ANK2: variants seen among roughly 807,000 people sequenced by gnomAD.
The protein encoded by ANK2 is ankyrin 2.
ANK2 carries 83 observed loss-of-function variants against 360.5 expected under a neutral mutation model. The observed-to-expected ratio is 0.23, with a 90% CI of 0.19 to 0.28. The LOEUF (loss-of-function observed/expected upper bound fraction) is 0.28, where lower values mean the gene tolerates loss of function less well. Ranked by LOEUF, ANK2 falls within the 10% of genes least tolerant of loss-of-function variation. The pLI is 1.00. For missense variants in ANK2, 4,201 were observed against 4,795.7 expected (o/e 0.88, Z 3.66); for synonymous variants, 1,740 against 1,759.5 (o/e 0.99, Z 0.28).
intron 1 of ANK2, among the ~76,000 whole-genome samples, chr4:112,852,195 A>T (rs1315515463): frequency 6.6e-6 from 1 of 152,214 alleles, no homozygotes; most frequent in Non-Finnish European, 1.5e-5. Context: ...AGAAAAGATG[A>T]TGGTTTTGGA....
At chr4:113,316,433 A>G (rs2083017109) in intron 24 of ANK2, among the ~76,000 whole-genome samples, 1 of 152,228 alleles carries the variant, frequency 6.6e-6, no homozygotes, top group African/African-American at 2.4e-5. Flanking sequence ...GGCTATGTTG[A>G]CACCTCATAG....
At chr4:112,721,933 A>G in the ANK2 span, among the ~76,000 whole-genome samples, 1 of 152,226 alleles carries the variant, frequency 6.6e-6, no homozygotes, top group Non-Finnish European at 1.5e-5. Flanking sequence ...TGCAGGCATC[A>G]GAGAGGTAAT....
rs532154958 is a variant in ANK2 at position 112,827,390 on chromosome 4, T to C, written c.-40+9126T>C. ...CATAGAGATGCTAATCTCACAGCTC[T>C]TGCAGCTATTGGACCAAGGAAGAAG... On this transcript the variant is annotated intron_variant, in intron 1 of 30. Coordinates refer to the ANK2 transcript ENST00000503271. 24 of 1,375,970 alleles carry C rather than the reference T, an allele frequency of 1.7e-5. No individual in the cohort carries two copies. In the Admixed American group the frequency reaches 3.4e-4, roughly 19 times the overall value. 85.2% of individuals were successfully genotyped at this position (1,375,970 alleles called of 1,614,324 possible).
At chr4:113,088,883 A>G (rs1336076545) in intron 1 of ANK2, among the ~76,000 whole-genome samples, 2 of 152,134 alleles carry the variant, frequency 1.3e-5, no homozygotes, top group African/African-American at 4.8e-5. Flanking sequence ...CCTCCCTATC[A>G]TGAGTCCCAG....
intron 1 of ANK2, among the ~76,000 whole-genome samples, chr4:113,077,227 T>A (rs1231728504): frequency 6.6e-6 from 1 of 152,116 alleles, no homozygotes; most frequent in Non-Finnish European, 1.5e-5. Context: ...AAGATTCTCA[T>A]CATATCATGT....
chr4:112,844,610 T>C (rs1312698015), intron 1 of ANK2, among the ~76,000 whole-genome samples: 5 of 152,194 alleles, frequency 3.3e-5, no homozygotes, highest in African/African-American at 9.7e-5. Context: ...CAAAAATATA[T>C]GTAGAACAAG....
chr4:113,249,647 A>G (rs1344908749), intron 9 of ANK2, 117 bp from the exon 10 acceptor site: 22 of 907,658 alleles, frequency 2.4e-5, no homozygotes, highest in Admixed American at 2.4e-4. Flanking sequence ...CAGTTCTATT[A>G]CTTATTTATT....
chr4:113,233,104 CTGTTTTTTT>C (rs2099331008), intron 5 of ANK2, among the ~76,000 whole-genome samples: 2 of 29,304 alleles, frequency 6.8e-5, no homozygotes, highest in East Asian at 1.1e-3. Context: ...CTTGGCTTTT[CTGTTTTTTT>C]TTTTTTTTTT....
At chr4:113,192,889 A>G (rs1584483389) in intron 2 of ANK2, among the ~76,000 whole-genome samples, 1 of 150,506 alleles carries the variant, frequency 6.6e-6, no homozygotes, top group East Asian at 2.0e-4. Context: ...TACCATATTC[A>G]GTGTCATTCT....
At chr4:112,800,822 T>G in the ANK2 span, among the ~76,000 whole-genome samples, 1 of 152,038 alleles carries the variant, frequency 6.6e-6, no homozygotes, top group Non-Finnish European at 1.5e-5. Flanking sequence ...AGCGAGCTAA[T>G]TTTTTGTATT....
At chr4:113,255,148 A>G (rs543486295) in intron 10 of ANK2, among the ~76,000 whole-genome samples, 5 of 152,330 alleles carry the variant, frequency 3.3e-5, no homozygotes, top group Admixed American at 3.3e-4. Context: ...TCATTGGCAC[A>G]TGGCCTACAT....
chr4:113,329,530 G>A (rs1009866234), intron 26 of ANK2, among the ~76,000 whole-genome samples: 1 of 152,128 alleles, frequency 6.6e-6, no homozygotes, highest in African/African-American at 2.4e-5. Flanking sequence ...AGCAGCATGA[G>A]CCCAGGGTTT....
intron 4 of ANK2, among the ~76,000 whole-genome samples, chr4:113,208,972 C>T (rs938726793): frequency 6.6e-6 from 1 of 151,906 alleles, no homozygotes; most frequent in African/African-American, 2.4e-5. Context: ...AGTGAAGAGG[C>T]AAAGGGCATA....
rs1387060989 is a variant in ANK2 at position 112,838,533 on chromosome 4, C to T, written c.-40+20269C>T. On this transcript the variant is annotated intron_variant, in intron 1 of 30. Transcript: ENST00000503271. ...CCTCTCCTTCTCTCTCTTGGACTTC[C>T]TACCTCATCCTTGGTTTCCAGTTCA... Among the ~76,000 whole-genome samples, 3 of 152,138 alleles carry T rather than the reference C, an allele frequency of 2.0e-5. No homozygotes were observed. In the East Asian group the frequency reaches 5.8e-4, roughly 29 times the overall value.
At chr4:113,033,345 C>T (rs982138654) in intron 2 of ANK2, among the ~76,000 whole-genome samples, 2 of 151,978 alleles carry the variant, frequency 1.3e-5, no homozygotes, top group Middle Eastern at 3.4e-3. Flanking sequence ...AATTAGTGGT[C>T]GATCCAGGAA....
chr4:113,343,039 A>G lies in ANK2; in HGVS notation c.4145A>G (p.Tyr1382Cys). ...DVEVLEGKPI[Y>C]VDCFGNLVPL... The stretch of plus-strand genomic sequence containing the variant: ...CAGGTGTTAGAAGGAAAACCCATCT[A>G]CGTTGATTGTTTCGGCAACTTGGTA... Residue 1382 changes from tyrosine to cysteine, a missense_variant, in exon 34 of 46, where the codon TAC becomes TGC. Coordinates refer to ENST00000357077, the MANE Select transcript of ANK2 (RefSeq NM_001148.6). The G allele has an allele frequency of 6.2e-7, 1 of 1,614,008 alleles. No homozygotes were observed. The highest frequency in any genetic ancestry group is 8.5e-7 in the Non-Finnish European group (1 of 1,179,920).
At chr4:112,829,966 T>A (rs201879707) in intron 1 of ANK2, among the ~76,000 whole-genome samples, 20 of 142,170 alleles carry the variant, frequency 1.4e-4, no homozygotes, top group Admixed American at 2.8e-4. Flanking sequence ...CTCAAAAAAA[T>A]AAAAATAAAA....
intron 45 of ANK2, among the ~76,000 whole-genome samples, chr4:113,380,839 C>A (rs1167098617): frequency 2.6e-5 from 4 of 152,182 alleles, no homozygotes; most frequent in Admixed American, 2.6e-4. Context: ...CTTCCTCCCC[C>A]ACCATCTCCA....
At chr4:113,317,898 TCC>T in intron 25 of ANK2, 89 bp downstream of exon 25, 1 of 1,090,764 alleles carries the variant, frequency 9.2e-7, no homozygotes, top group Non-Finnish European at 1.4e-6. Flanking sequence ...AAGTTTTTAA[TCC>T]CCCCAAAATC....
Sources: gnomAD v4.1 joint callset for allele counts (sites outside exome capture counted in the v4.1 genomes callset) on GRCh38, gnomAD v4.1.1 for gene constraint, MANE v1.5 for transcripts, NCBI Gene and HGNC (gene_info 2026-07-23, HGNC 2026-07-21) for gene names.